The following IMMP2L variants were observed in gnomAD, a reference collection of about 807,000 sequenced individuals.
The protein encoded by IMMP2L is inner mitochondrial membrane peptidase subunit 2.
Under a neutral mutation model 19.3 loss-of-function variants are expected in IMMP2L, and 18 were observed. The observed-to-expected ratio is 0.93, with a 90% CI of 0.64 to 1.38. The LOEUF is 1.38. IMMP2L is among the 40% of genes most tolerant of loss of function. The pLI is 0.00. For synonymous variants in IMMP2L, 76 were observed against 73.0 expected (o/e 1.04, Z -0.21); for missense variants, 233 against 218.2 (o/e 1.07, Z -0.43).
chr7:111,507,792 G>T (rs970840136), intron 2 of IMMP2L, among the ~76,000 whole-genome samples: 1 of 152,128 alleles, frequency 6.6e-6, no homozygotes, highest in Non-Finnish European at 1.5e-5. Context: ...CCCTCAGCTG[G>T]AAAGTTCAAG....
intron 3 of IMMP2L, among the ~76,000 whole-genome samples, chr7:111,021,491 G>A (rs907919089): frequency 6.6e-6 from 1 of 152,188 alleles, no homozygotes; most frequent in African/African-American, 2.4e-5. Flanking sequence ...CATGCCTGGG[G>A]AGGCCTCACA....
At chr7:111,250,032 T>G (rs1175910914) in intron 3 of IMMP2L, among the ~76,000 whole-genome samples, 1 of 152,162 alleles carries the variant, frequency 6.6e-6, no homozygotes, top group Non-Finnish European at 1.5e-5. Flanking sequence ...AAAAGCTCCT[T>G]AAGCTGATAA....
intron 4 of IMMP2L, among the ~76,000 whole-genome samples, chr7:110,899,219 T>C (rs984403489): frequency 2.6e-5 from 4 of 152,154 alleles, no homozygotes; most frequent in Admixed American, 2.6e-4. Flanking sequence ...CATTTCTATA[T>C]ACAAATGCAT....
intron 2 of IMMP2L, among the ~76,000 whole-genome samples, chr7:111,503,905 T>C (rs1026787608): frequency 2.6e-5 from 4 of 152,208 alleles, no homozygotes; most frequent in South Asian, 2.1e-4. Flanking sequence ...CTTTGAAAAC[T>C]GGCACAAGAC....
At chr7:111,438,497 A>T (rs534626906) in intron 3 of IMMP2L, among the ~76,000 whole-genome samples, 1 of 151,990 alleles carries the variant, frequency 6.6e-6, no homozygotes, top group East Asian at 1.9e-4. Context: ...TCTAGAGAAC[A>T]AAAATTCACT....
intron 3 of IMMP2L, among the ~76,000 whole-genome samples, chr7:111,405,912 A>T (rs258922): frequency 0.22 from 33,524 of 152,002 alleles, 5,349 homozygotes; most frequent in African/African-American, 0.45. Context: ...AATACAAGGT[A>T]AAAATTGAAT....
intron 5 of IMMP2L, among the ~76,000 whole-genome samples, chr7:110,778,147 G>A (rs1176024088): frequency 6.6e-6 from 1 of 151,888 alleles, no homozygotes; most frequent in Non-Finnish European, 1.5e-5. Flanking sequence ...AAGTTTTCCA[G>A]TGAAGAAATC....
At chr7:110,772,510 A>T (rs746074754) in intron 5 of IMMP2L, among the ~76,000 whole-genome samples, 9 of 152,122 alleles carry the variant, frequency 5.9e-5, no homozygotes, top group Non-Finnish European at 1.2e-4. Context: ...CCACACTATC[A>T]TCCCTACACT....
chr7:111,424,150 T>C (rs564760135), intron 3 of IMMP2L, among the ~76,000 whole-genome samples: 1 of 151,930 alleles, frequency 6.6e-6, no homozygotes, highest in Non-Finnish European at 1.5e-5. Flanking sequence ...TCTGATTCGT[T>C]AGAGGTTAAT....
rs1016506772 is a variant in IMMP2L, at chr7:110,757,142, G to A, written c.409-93421C>T. Among the ~76,000 whole-genome samples, 12 of 152,034 alleles carry A rather than the reference G, an allele frequency of 7.9e-5. No individual in the cohort carries two copies. The highest frequency in any genetic ancestry group is 4.2e-4 in the South Asian group (2 of 4,816). On this transcript the variant is annotated intron_variant, in intron 5 of 5. Transcript: ENST00000405709. This position sits in a 1 kb window ranked among gnomAD's most constrained non-coding sequence, Gnocchi z 4.2. ...TAGCATGTTAGTTAGATTGAAATAC[G>A]CGTAATGGAGAAAAATAAAGTCAGA...
At chr7:111,016,198 T>C (rs1170459543) in intron 3 of IMMP2L, among the ~76,000 whole-genome samples, 1 of 151,610 alleles carries the variant, frequency 6.6e-6, no homozygotes, top group African/African-American at 2.4e-5. Flanking sequence ...AAACTACGTC[T>C]TCACTTTGCA....
chr7:111,359,346 G>A (rs1829033893), intron 3 of IMMP2L, among the ~76,000 whole-genome samples: 1 of 152,058 alleles, frequency 6.6e-6, no homozygotes, highest in Non-Finnish European at 1.5e-5. Context: ...CTGTCACCCA[G>A]GCTGGAGTGC....
At chr7:111,190,733 A>G (rs1808769512) in intron 3 of IMMP2L, among the ~76,000 whole-genome samples, 1 of 152,126 alleles carries the variant, frequency 6.6e-6, no homozygotes, top group Admixed American at 6.6e-5. Flanking sequence ...TTACATGAGT[A>G]TATTGCTTAT....
At chr7:111,209,223 C>T (rs772338417) in intron 3 of IMMP2L, among the ~76,000 whole-genome samples, 9 of 151,914 alleles carry the variant, frequency 5.9e-5, no homozygotes, top group Non-Finnish European at 1.2e-4. Context: ...CAGTGAAACT[C>T]CCTCTCTAAT....
At chr7:110,920,460 C>T (rs1814140125) in intron 4 of IMMP2L, among the ~76,000 whole-genome samples, 2 of 152,284 alleles carry the variant, frequency 1.3e-5, no homozygotes, top group African/African-American at 4.8e-5. Flanking sequence ...TAGAAGGCCA[C>T]TGAAGAGCTA....
At chr7:110,733,299 T>C (rs1268428142) in intron 5 of IMMP2L, among the ~76,000 whole-genome samples, 1 of 152,172 alleles carries the variant, frequency 6.6e-6, no homozygotes, top group Non-Finnish European at 1.5e-5. Flanking sequence ...AGTTATCACA[T>C]GTAGAATTTA....
chr7:110,996,799 T>C (rs913231472), intron 3 of IMMP2L, among the ~76,000 whole-genome samples: 10 of 152,094 alleles, frequency 6.6e-5, no homozygotes, highest in Non-Finnish European at 1.3e-4. Flanking sequence ...CTTGCCTAGC[T>C]GTAGTACAAC....
rs147873387 is a variant in IMMP2L, at chr7:111,136,923, T to C, written c.240-173358A>G. Among the ~76,000 whole-genome samples the C allele has an allele frequency of 1.8e-4, 27 of 152,294 alleles. No individual in the cohort carries two copies. The South Asian group carries it at 2.3e-3, about 13-fold the overall frequency. ...TTAAGGAACATCACTAGCAAGTTTT[T>C]ACAGGTGGTAGTGACAGGGATTTGT... On this transcript the variant is annotated intron_variant, in intron 3 of 5. Coordinates refer to ENST00000405709, the MANE Select transcript of IMMP2L (RefSeq NM_032549.4).
intron 3 of IMMP2L, chr7:111,483,606 A>G (rs557684456): frequency 1.4e-4 from 22 of 152,310 alleles, no homozygotes; most frequent in Middle Eastern, 6.8e-3. Flanking sequence ...TATGCAAAAA[A>G]ATAATATGCA....
Sources: gnomAD v4.1 joint callset for allele counts (sites outside exome capture counted in the v4.1 genomes callset) on GRCh38, gnomAD v4.1.1 for gene constraint, Gnocchi (gnomAD v3.1) non-coding constraint, MANE v1.5 for transcripts, NCBI Gene and HGNC (gene_info 2026-07-23, HGNC 2026-07-21) for gene names.